The following KCNB2 variants were observed in gnomAD, a reference collection of about 807,000 sequenced individuals.
The protein encoded by KCNB2 is delayed rectifier potassium channel protein.
In KCNB2, 15 loss-of-function variants were observed where a neutral mutation model predicts 61.5. The ratio of observed to expected loss-of-function variants is 0.24; its 90% CI spans 0.16 to 0.38. The LOEUF is 0.38. KCNB2 is among the 10% of genes least tolerant of loss of function. KCNB2 has a pLI of 1.00. For synonymous variants in KCNB2, 457 were observed against 446.0 expected (o/e 1.02, Z -0.31); for missense variants, 828 against 1,125.2 (o/e 0.74, Z 3.78).
chr8:72,567,795 C>A lies in KCNB2; in HGVS notation c.61C>A (p.Pro21Thr), dbSNP rs756118503. The change falls in exon 2 of 3, where the codon CCT becomes ACT. Residue 21 changes from proline to threonine, a missense_variant. This residue lies in a region of KCNB2 where 62 missense variants were observed against 54.8 expected (regional missense o/e 1.13). Transcript: ENST00000523207. ...GACTTCAAGGTCGACACTTTCCCTT[C>A]CTCCAGAGCCTGTGGACATTATCCG... ...RKTSRSTLSL[P>T]PEPVDIIRSK... 1.2e-6 allele frequency: 2 copies of A among 1,609,940 alleles called. No individual in the cohort carries two copies. The highest frequency in any genetic ancestry group is 1.3e-5 in the African/African-American group (1 of 74,624).
intron 2 of KCNB2, among the ~76,000 whole-genome samples, chr8:72,729,123 A>G (rs1158087466): frequency 6.6e-6 from 1 of 152,154 alleles, no homozygotes; most frequent in East Asian, 1.9e-4. Flanking sequence ...TCAGTTTGTC[A>G]TCTGCACAAT....
intron 2 of KCNB2, among the ~76,000 whole-genome samples, chr8:72,826,919 T>G (rs1430441122): frequency 1.3e-5 from 2 of 152,212 alleles, no homozygotes; most frequent in Non-Finnish European, 2.9e-5. Context: ...ATAGCATCTT[T>G]GTATTGCTTT....
intron 2 of KCNB2, among the ~76,000 whole-genome samples, chr8:72,845,706 G>A (rs2129002942): frequency 6.6e-6 from 1 of 152,304 alleles, no homozygotes; most frequent in African/African-American, 2.4e-5. Flanking sequence ...GCTTCGCCCG[G>A]TTCGAACTTC....
At chr8:72,657,515 T>C (rs1310072474) in intron 2 of KCNB2, among the ~76,000 whole-genome samples, 1 of 152,124 alleles carries the variant, frequency 6.6e-6, no homozygotes, top group Non-Finnish European at 1.5e-5. Flanking sequence ...ACAGCAACAA[T>C]TGAAATATCA....
intron 2 of KCNB2, among the ~76,000 whole-genome samples, chr8:72,930,060 TG>T (rs1312427893): frequency 2.0e-5 from 3 of 151,580 alleles, no homozygotes; most frequent in Non-Finnish European, 4.4e-5. Flanking sequence ...TTTGGTTTTT[TG>T]TCCTTACAAT....
At chr8:72,594,652 C>A (rs1042282709) in intron 2 of KCNB2, among the ~76,000 whole-genome samples, 2 of 152,130 alleles carry the variant, frequency 1.3e-5, no homozygotes, top group Admixed American at 6.5e-5. Flanking sequence ...CATAACACAG[C>A]AGCGCTTTTC....
chr8:72,867,752 C>G (rs1805551883), intron 2 of KCNB2, among the ~76,000 whole-genome samples: 1 of 152,178 alleles, frequency 6.6e-6, no homozygotes, highest in South Asian at 2.1e-4. Flanking sequence ...ATGGTATGAC[C>G]TGAACCATTC....
At chr8:72,572,602 C>G (rs1369666628) in intron 2 of KCNB2, among the ~76,000 whole-genome samples, 3 of 151,946 alleles carry the variant, frequency 2.0e-5, no homozygotes, top group Non-Finnish European at 2.9e-5. Flanking sequence ...CAGACACACA[C>G]AGACACACAC....
At chr8:72,854,485 T>C (rs1810172864) in intron 2 of KCNB2, among the ~76,000 whole-genome samples, 1 of 152,208 alleles carries the variant, frequency 6.6e-6, no homozygotes, top group African/African-American at 2.4e-5. Flanking sequence ...ACTTAACAAA[T>C]GTTTACCAAG....
At chr8:72,697,171 G>A (rs73309807) in intron 2 of KCNB2, among the ~76,000 whole-genome samples, 4,829 of 152,154 alleles carry the variant, frequency 0.032, 102 homozygotes, top group South Asian at 0.074. Context: ...TTCTCTTTCC[G>A]TAATATGTGA....
intron 2 of KCNB2, among the ~76,000 whole-genome samples, chr8:72,845,784 T>TC (rs34092749): frequency 6.6e-6 from 1 of 151,876 alleles, no homozygotes; most frequent in African/African-American, 2.4e-5. Context: ...CAGATGCCCC[T>TC]CCCCCCCATC....
At chr8:72,847,324 C>G (rs1373796426) in intron 2 of KCNB2, among the ~76,000 whole-genome samples, 1 of 152,192 alleles carries the variant, frequency 6.6e-6, no homozygotes, top group East Asian at 1.9e-4. Context: ...AACTGGTGCC[C>G]TTTACAACAT....
chr8:72,639,712 A>C (rs1806023747), intron 2 of KCNB2, among the ~76,000 whole-genome samples: 1 of 152,118 alleles, frequency 6.6e-6, no homozygotes, highest in Non-Finnish European at 1.5e-5. Flanking sequence ...AAAATCACCA[A>C]GGAAGCTTTG....
intron 2 of KCNB2, among the ~76,000 whole-genome samples, chr8:72,605,165 C>T (rs889509834): frequency 2.0e-5 from 3 of 152,186 alleles, no homozygotes; most frequent in Non-Finnish European, 4.4e-5. Context: ...TGTAAAAAGT[C>T]ACTTGGGGAA....
At chr8:72,586,611 G>A (rs77512730) in intron 2 of KCNB2, among the ~76,000 whole-genome samples, 7 of 152,222 alleles carry the variant, frequency 4.6e-5, no homozygotes, top group East Asian at 3.9e-4. Flanking sequence ...TCATGTTATC[G>A]TATTTCAGTT....
intron 2 of KCNB2, among the ~76,000 whole-genome samples, chr8:72,652,269 AATGCTC>A (rs1480659666): frequency 6.6e-6 from 1 of 152,092 alleles, no homozygotes; most frequent in Non-Finnish European, 1.5e-5. Flanking sequence ...ACAAGTCCAT[AATGCTC>A]ATGCTCATGC....
chr8:72,628,884 TC>T (rs1238232184), intron 2 of KCNB2, among the ~76,000 whole-genome samples: 8 of 152,222 alleles, frequency 5.3e-5, no homozygotes, highest in African/African-American at 1.9e-4. Flanking sequence ...CCTGTATGCC[TC>T]CCTTCCTCCA....
intron 2 of KCNB2, among the ~76,000 whole-genome samples, chr8:72,670,289 A>G (rs1806542308): frequency 6.6e-6 from 1 of 152,234 alleles, no homozygotes. Context: ...ACTTCTCATT[A>G]CTTTAGTGGT....
At position 72,673,747 on chromosome 8, in the gene KCNB2, T is replaced by C. The variant is rs192984313; in HGVS notation, c.579+105434T>C. Reference sequence around the variant, plus strand: ...ATATGATGTACATAGAATAGACAAATTCATTTAGACAGAAAGTAGAATAGT... The same window carrying C: ...ATATGATGTACATAGAATAGACAAACTCATTTAGACAGAAAGTAGAATAGT... On this transcript the variant is annotated intron_variant, in intron 2 of 2. Coordinates refer to ENST00000523207, the MANE Select transcript of KCNB2 (RefSeq NM_004770.3). 1.4e-3 allele frequency among the ~76,000 whole-genome samples: 210 copies of C among 152,274 alleles called. 1 individual carries two copies. Among genetic ancestry groups the C allele is most frequent in the African/African-American group, 4.8e-3 (201 of 41,572 alleles).
Sources: allele counts gnomAD v4.1 joint callset (sites outside exome capture counted in the v4.1 genomes callset), GRCh38; gene constraint gnomAD v4.1.1; regional missense constraint gnomAD v4.1.1; transcripts MANE v1.5; gene names NCBI Gene and HGNC (gene_info 2026-07-23, HGNC 2026-07-21).